The following FILIP1 variants were observed in gnomAD, a reference collection of about 807,000 sequenced individuals.
The protein encoded by FILIP1 is filamin-A-interacting protein 1.
FILIP1 carries 61 observed loss-of-function variants against 102.1 expected under a neutral mutation model. That is an observed-to-expected ratio of 0.60 (90% CI 0.49 to 0.74). The LOEUF is 0.74. Among genes scored for constraint, FILIP1 ranks in the 30% least tolerant of loss-of-function variants. FILIP1 has a pLI of 0.00. For missense variants in FILIP1, 1,314 were observed against 1,441.2 expected (o/e 0.91, Z 1.43); for synonymous variants, 491 against 526.9 (o/e 0.93, Z 0.93).
At chr6:75,330,702 G>A (rs1015691470) in intron 4 of FILIP1, among the ~76,000 whole-genome samples, 2 of 152,044 alleles carry the variant, frequency 1.3e-5, no homozygotes, top group African/African-American at 4.8e-5. Context: ...CATTTCCTTT[G>A]CTAGTATAAT....
exon 7 of FILIP1, chr6:75,295,155 T>A (rs1772637570): frequency 6.6e-6 from 1 of 152,190 alleles, no homozygotes; most frequent in Non-Finnish European, 1.5e-5. Context: ...ATAATTGAAC[T>A]GTCAGTCGAA....
At chr6:75,292,629 T>G (rs1772571648) in exon 7 of FILIP1, 1 of 152,228 alleles carries the variant, frequency 6.6e-6, no homozygotes, top group Admixed American at 6.5e-5. Flanking sequence ...TTTCCTTTGC[T>G]TTGTGATTCA....
chr6:75,427,718 G>A (rs1395554875), intron 1 of FILIP1, among the ~76,000 whole-genome samples: 2 of 152,038 alleles, frequency 1.3e-5, no homozygotes, highest in African/African-American at 4.8e-5. Context: ...ATTTTAAAAT[G>A]AAATCCCAGT....
At chr6:75,473,841 T>G (rs1409365272) in intron 1 of FILIP1, 4 of 152,210 alleles carry the variant, frequency 2.6e-5, no homozygotes, top group Non-Finnish European at 5.9e-5. Flanking sequence ...GTGCAATGGA[T>G]GAGCCTCGCC....
rs185578741 is a variant in FILIP1, at chr6:75,416,577, G to A, written c.-6-1599C>T. Among the ~76,000 whole-genome samples, 3 of 103,608 alleles carry A rather than the reference G, an allele frequency of 2.9e-5. No individual in the cohort carries two copies. The Admixed American group carries it at 3.0e-4, about 10-fold the overall frequency. 68.0% of individuals were successfully genotyped at this position (103,608 alleles called of 152,430 possible). On this transcript the variant is annotated intron_variant, in intron 1 of 5. Transcript: ENST00000237172. Reference sequence around the variant, plus strand: ...TTGTGGGCAGAATGGACTGACTAAAGCCCCAATCCAAAAAAAAAAAAAAAA... The same window carrying A: ...TTGTGGGCAGAATGGACTGACTAAAACCCCAATCCAAAAAAAAAAAAAAAA...
At chr6:75,464,444 T>C (rs919463532) in intron 1 of FILIP1, among the ~76,000 whole-genome samples, 1 of 152,202 alleles carries the variant, frequency 6.6e-6, no homozygotes, top group African/African-American at 2.4e-5. Flanking sequence ...TAAACATCAA[T>C]GTATGCAGGA....
At chr6:75,359,677 A>G (rs1775115836) in intron 3 of FILIP1, among the ~76,000 whole-genome samples, 1 of 152,206 alleles carries the variant, frequency 6.6e-6, no homozygotes, top group Admixed American at 6.5e-5. Flanking sequence ...TTCCTCTCTC[A>G]CAACAGAAAA....
intron 2 of FILIP1, among the ~76,000 whole-genome samples, chr6:75,400,748 T>C (rs868854074): frequency 2.6e-5 from 4 of 151,936 alleles, no homozygotes; most frequent in Admixed American, 1.3e-4. Flanking sequence ...GTAGGAGATA[T>C]GTTAGTATGG....
intron 2 of FILIP1, among the ~76,000 whole-genome samples, chr6:75,373,252 A>G (rs979497889): frequency 6.6e-6 from 1 of 152,218 alleles, no homozygotes; most frequent in African/African-American, 2.4e-5. Flanking sequence ...CAGAAAGTGG[A>G]ACACTGGGTG....
intron 4 of FILIP1, among the ~76,000 whole-genome samples, chr6:75,346,238 T>C (rs1774579225): frequency 1.3e-5 from 2 of 152,218 alleles, no homozygotes; most frequent in South Asian, 2.1e-4. Context: ...ATATCTTCTA[T>C]AGCAGTAAAA....
chr6:75,292,954 A>T (rs1582295718), exon 7 of FILIP1: 2 of 152,308 alleles, frequency 1.3e-5, no homozygotes, highest in East Asian at 1.9e-4. Flanking sequence ...ATTCCACACC[A>T]TGAATTTTTT....
exon 7 of FILIP1, chr6:75,294,982 G>A (rs980918920): frequency 5.3e-5 from 8 of 150,232 alleles, no homozygotes; most frequent in African/African-American, 1.7e-4. Context: ...TGGGATTACA[G>A]GCACGACCCA....
At chr6:75,389,565 A>G (rs1382139947) in intron 2 of FILIP1, among the ~76,000 whole-genome samples, 1 of 152,096 alleles carries the variant, frequency 6.6e-6, no homozygotes, top group Non-Finnish European at 1.5e-5. Context: ...CTATTGGTCT[A>G]TTCAGGGATT....
At chr6:75,441,564 G>A (rs1367972252) in intron 1 of FILIP1, among the ~76,000 whole-genome samples, 1 of 151,890 alleles carries the variant, frequency 6.6e-6, no homozygotes, top group African/African-American at 2.4e-5. Flanking sequence ...CGGCCGGGCA[G>A]AGGCGCCCCT....
chr6:75,372,657 GAA>G (rs1314283488), intron 2 of FILIP1, among the ~76,000 whole-genome samples: 1 of 58,502 alleles, frequency 1.7e-5, no homozygotes, highest in African/African-American at 9.5e-5. Context: ...AAGAAAGAAA[GAA>G]AGAAAGAAAG....
chr6:75,319,086 A>T, intron 4 of FILIP1: 2 of 730,028 alleles, frequency 2.7e-6, no homozygotes, highest in Non-Finnish European at 2.5e-6. Flanking sequence ...CCTCCTCTTC[A>T]TCCTCTTCAT....
At chr6:75,418,151 T>C (rs947326554) in intron 1 of FILIP1, among the ~76,000 whole-genome samples, 1 of 152,218 alleles carries the variant, frequency 6.6e-6, no homozygotes, top group Non-Finnish European at 1.5e-5. Flanking sequence ...TGAGCCGAGA[T>C]TGTGCCACTG....
At chr6:75,468,647 C>T (rs1277690884) in intron 1 of FILIP1, among the ~76,000 whole-genome samples, 1 of 152,124 alleles carries the variant, frequency 6.6e-6, no homozygotes, top group African/African-American at 2.4e-5. Flanking sequence ...GACTCAAATG[C>T]TCCATCATCC....
At chr6:75,330,008 T>C (rs1395796333) in intron 4 of FILIP1, among the ~76,000 whole-genome samples, 1 of 152,196 alleles carries the variant, frequency 6.6e-6, no homozygotes, top group Admixed American at 6.5e-5. Context: ...ATTAAGGTAA[T>C]GGCCCTAATA....
Sources: gnomAD v4.1 joint callset for allele counts (sites outside exome capture counted in the v4.1 genomes callset) on GRCh38, gnomAD v4.1.1 for gene constraint, MANE v1.5 for transcripts, NCBI Gene and HGNC (gene_info 2026-07-23, HGNC 2026-07-21) for gene names.